MYO18B: variants seen among roughly 807,000 people sequenced by gnomAD.
MYO18B encodes the protein unconventional myosin-XVIIIb.
MYO18B carries 204 observed loss-of-function variants against 273.0 expected under a neutral mutation model. The ratio of observed to expected loss-of-function variants is 0.75; its 90% confidence interval spans 0.67 to 0.84. The LOEUF is 0.84. Ranked by LOEUF, MYO18B falls within the 40% of genes least tolerant of loss-of-function variation. The pLI is 0.00. For synonymous variants in MYO18B, 1,330 were observed against 1,305.7 expected (o/e 1.02, Z -0.40); for missense variants, 3,212 against 3,287.6 (o/e 0.98, Z 0.56).
intron 15 of MYO18B, among the ~76,000 whole-genome samples, chr22:25,830,639 G>A (rs1358261736): frequency 6.6e-6 from 1 of 152,182 alleles, no homozygotes; most frequent in East Asian, 1.9e-4. Context: ...TGCTGGGCAG[G>A]GTTCCAAGAG....
At chr22:25,890,513 A>G (rs1433346430) in intron 25 of MYO18B, among the ~76,000 whole-genome samples, 1 of 152,194 alleles carries the variant, frequency 6.6e-6, no homozygotes, top group African/African-American at 2.4e-5. Flanking sequence ...TCCCCCCTTT[A>G]AAGCTGAGAA....
In MYO18B at chr22:25,952,429, T is replaced by C; in HGVS notation, c.5970+6T>C. ...TGCAGATTAAGAGATTTGAGGTACG[T>C]AGTGATTCATAAATAGTGCCTGGGC... On this transcript the variant is annotated splice_donor_region_variant and intron_variant, in intron 38 of 43. Coordinates refer to ENST00000335473, the MANE Select transcript of MYO18B (RefSeq NM_032608.7). 3 of 1,612,796 alleles carry C rather than the reference T, an allele frequency of 1.9e-6. No individual in the cohort carries two copies. The highest frequency in any genetic ancestry group is 2.5e-6 in the Non-Finnish European group (3 of 1,179,552).
chr22:25,884,005 T>TG (rs1372555160), intron 25 of MYO18B, among the ~76,000 whole-genome samples: 2 of 152,094 alleles, frequency 1.3e-5, no homozygotes, highest in African/African-American at 4.8e-5. Context: ...TAAAATGAGG[T>TG]GGGGTGTTTT....
Position 25,758,402 on chromosome 22 carries a change from A to G in MYO18B, c.-109-2582A>G, listed in dbSNP as rs78020235. Reference sequence around the variant, plus strand: ...GAAGAACCTATGTGACTTTGTAGCGACATTATTCGTAGTGCCCCTAAAGTG... The same window carrying G: ...GAAGAACCTATGTGACTTTGTAGCGGCATTATTCGTAGTGCCCCTAAAGTG... On this transcript the variant is annotated intron_variant, in intron 1 of 43. Coordinates refer to ENST00000335473, the MANE Select transcript of MYO18B (RefSeq NM_032608.7). Among the ~76,000 whole-genome samples, 281 of 151,340 alleles carry G rather than the reference A, an allele frequency of 1.9e-3. 5 individuals carry two copies. In the South Asian group the frequency reaches 0.027, roughly 15 times the overall value.
intron 36 of MYO18B, among the ~76,000 whole-genome samples, chr22:25,949,523 A>T (rs144199939): frequency 5.9e-5 from 9 of 152,318 alleles, no homozygotes; most frequent in African/African-American, 2.2e-4. Flanking sequence ...CACCATCCAG[A>T]GGAGAGCCGG....
At chr22:25,755,634 G>A (rs954042550) in intron 1 of MYO18B, among the ~76,000 whole-genome samples, 5 of 152,202 alleles carry the variant, frequency 3.3e-5, no homozygotes, top group Non-Finnish European at 7.4e-5. Flanking sequence ...GGTCATGGGG[G>A]CAGATGCCTC....
intron 40 of MYO18B, among the ~76,000 whole-genome samples, chr22:26,000,316 A>G (rs1390584048): frequency 6.6e-6 from 1 of 152,170 alleles, no homozygotes; most frequent in Admixed American, 6.5e-5. Context: ...GAGTGCAGCC[A>G]TCCTCTGATT....
chr22:25,963,138 CCT>C (rs138924267), intron 39 of MYO18B, among the ~76,000 whole-genome samples: 34 of 146,602 alleles, frequency 2.3e-4, no homozygotes, highest in Non-Finnish European at 3.9e-4. Flanking sequence ...TTCTCTTTCT[CCT>C]CTCTCTCTCT....
rs375069333 is a variant in MYO18B at position 25,839,095 on chromosome 22, C to T, written c.3208+3652C>T. On this transcript the variant is annotated intron_variant, in intron 17 of 43. Coordinates refer to ENST00000335473, the MANE Select transcript of MYO18B (RefSeq NM_032608.7). ...ATGTATATATGTATTAGTGTGTATA[C>T]GTGTGTGCGTGTGTGTATATATGTA... is the stretch of plus-strand genomic sequence containing the variant. 6.3e-5 allele frequency among the ~76,000 whole-genome samples: 9 copies of T among 143,430 alleles called. No individual in the cohort carries two copies. The South Asian group carries it at 6.8e-4, about 11-fold the overall frequency. The allele number at this position is 143,430 out of a possible 152,430, so 94.1% of individuals were successfully genotyped here. A position where few individuals can be genotyped will look rare whatever the true frequency, so the allele number is the denominator to read the frequency against.
rs2145686043 is a variant in MYO18B, at chr22:25,785,493, T to C, written c.2376+2T>C. On this transcript the variant is annotated splice_donor_variant, in intron 11 of 43. Transcript: ENST00000335473. LOFTEE classifies it high-confidence loss of function. ...TTTGGCATGGGCGTGTGGTCCAAGG[T>C]AAGGAGGAGGTCCCTCACGGGTGGG... 1 of 1,611,802 alleles carries C rather than the reference T, an allele frequency of 6.2e-7. No homozygotes were observed. The highest frequency in any genetic ancestry group is 2.2e-5 in the East Asian group (1 of 44,836).
chr22:25,879,614 A>G (rs2091285736), intron 25 of MYO18B, among the ~76,000 whole-genome samples: 1 of 152,194 alleles, frequency 6.6e-6, no homozygotes, highest in Non-Finnish European at 1.5e-5. Context: ...GACTACATGA[A>G]TCAGACAGTT....
chr22:25,935,088 G>T (rs187271878), intron 34 of MYO18B, among the ~76,000 whole-genome samples: 3 of 152,218 alleles, frequency 2.0e-5, no homozygotes, highest in Admixed American at 2.0e-4. Flanking sequence ...CTGAAAATTG[G>T]GTTAGTTGCT....
In MYO18B at chr22:25,763,393, A is replaced by G; in HGVS notation, c.198+4A>G. ...TGTCGCCTCTCCAGAACGAGAGGTA[A>G]GTGGTTCCTAAGAAGGAGGACCGTA... On this transcript the variant is annotated splice_donor_region_variant and intron_variant, in intron 3 of 43. Coordinates refer to ENST00000335473, the MANE Select transcript of MYO18B (RefSeq NM_032608.7). 1.2e-6 allele frequency: 2 copies of G among 1,606,344 alleles called. No homozygotes were observed. The highest frequency in any genetic ancestry group is 1.7e-6 in the Non-Finnish European group (2 of 1,178,222).
chr22:25,873,358 G>A (rs2091101220), intron 22 of MYO18B, among the ~76,000 whole-genome samples: 1 of 152,126 alleles, frequency 6.6e-6, no homozygotes, highest in Non-Finnish European at 1.5e-5. Context: ...CACCAGCCCA[G>A]CCCCATCCTC....
intron 28 of MYO18B, 77 bp downstream of exon 28, chr22:25,895,357 G>A: frequency 6.6e-7 from 1 of 1,508,990 alleles, no homozygotes; most frequent in Non-Finnish European, 9.0e-7. Flanking sequence ...GGGTGATCGA[G>A]GTATTAGCTG....
intron 34 of MYO18B, among the ~76,000 whole-genome samples, chr22:25,940,682 C>A (rs2092633468): frequency 6.6e-6 from 1 of 152,174 alleles, no homozygotes. Context: ...CCTTCCCTCC[C>A]ATTCTTTGAC....
chr22:26,013,953 C>G (rs1205213661), intron 42 of MYO18B, among the ~76,000 whole-genome samples: 1 of 151,976 alleles, frequency 6.6e-6, no homozygotes, highest in Non-Finnish European at 1.5e-5. Flanking sequence ...AGTCACTTAC[C>G]TTTTTCACTC....
In MYO18B at chr22:25,883,984, C is replaced by T. The variant is rs892506351; in HGVS notation, c.4314+5936C>T. ...GGAAGCACCTGTAAGGTTTTGGGAC[C>T]ACATGGGATATAAAATGAGGTGGGG... On this transcript the variant is annotated intron_variant, in intron 25 of 43. Coordinates refer to ENST00000335473, the MANE Select transcript of MYO18B (RefSeq NM_032608.7). The surrounding 1 kb of genome is among the most constrained non-coding windows in gnomAD (Gnocchi z 7.6). 1.3e-5 allele frequency among the ~76,000 whole-genome samples: 2 copies of T among 152,036 alleles called. No homozygotes were observed. Among genetic ancestry groups the T allele is most frequent in the Non-Finnish European group, 2.9e-5 (2 of 68,008 alleles).
intron 1 of MYO18B, 143 bp downstream of exon 1, chr22:25,742,436 G>A (rs1181558296): frequency 6.6e-6 from 1 of 152,140 alleles, no homozygotes; most frequent in Non-Finnish European, 1.5e-5. Context: ...GAGAGCTTCC[G>A]AGGCCTGATT....
Sources: gnomAD v4.1 joint callset for allele counts (sites outside exome capture counted in the v4.1 genomes callset) on GRCh38, gnomAD v4.1.1 for gene constraint, Gnocchi (gnomAD v3.1) non-coding constraint, MANE v1.5 for transcripts, NCBI Gene and HGNC (gene_info 2026-07-23, HGNC 2026-07-21) for gene names.